The following BRAF variants were observed in gnomAD, a reference collection of about 807,000 sequenced individuals.
BRAF encodes B-Raf proto-oncogene, serine/threonine kinase.
In BRAF, 16 loss-of-function variants were observed where a neutral mutation model predicts 104.6. The ratio of observed to expected loss-of-function variants is 0.15; its 90% CI spans 0.10 to 0.23. The LOEUF is 0.23. BRAF is among the 10% of genes least tolerant of loss of function. The pLI, the probability that BRAF is intolerant of heterozygous loss-of-function variation, is 1.00. For missense variants in BRAF, 541 were observed against 937.3 expected (o/e 0.58, Z 5.52); for synonymous variants, 310 against 341.6 (o/e 0.91, Z 1.02).
In BRAF at chr7:140,794,667, T is replaced by G. The variant is rs71645956; in HGVS notation, c.981-200A>C. On this transcript the variant is annotated intron_variant, in intron 7 of 19. Coordinates refer to ENST00000644969, the MANE Select transcript of BRAF (RefSeq NM_001374258.1). The stretch of plus-strand genomic sequence containing the variant: ...AAAGCTGCTTTGCTCAAGTAGGCCC[T>G]CCAGGAACTATCAATGATAAGACCA... Among the ~76,000 whole-genome samples, 148 of 152,314 alleles carry G rather than the reference T, an allele frequency of 9.7e-4. No homozygotes were observed. In the South Asian group the frequency reaches 0.014, roughly 14 times the overall value.
At chr7:140,863,349 A>G (rs1810612558) in intron 1 of BRAF, among the ~76,000 whole-genome samples, 1 of 152,226 alleles carries the variant, frequency 6.6e-6, no homozygotes. Flanking sequence ...CTGTGGCTAT[A>G]TGGTAAGCAA....
chr7:140,913,556 C>G (rs1817253999), intron 1 of BRAF, among the ~76,000 whole-genome samples: 1 of 128,216 alleles, frequency 7.8e-6, no homozygotes, highest in South Asian at 2.6e-4. Context: ...GATCTTGGCT[C>G]ACTGCAACCT....
intron 1 of BRAF, among the ~76,000 whole-genome samples, chr7:140,851,594 AGG>A (rs1809163075): frequency 6.6e-6 from 1 of 152,198 alleles, no homozygotes; most frequent in African/African-American, 2.4e-5. Flanking sequence ...TTTGGTATCT[AGG>A]TATAGGATTC....
At chr7:140,915,062 A>C (rs1247338049) in intron 1 of BRAF, among the ~76,000 whole-genome samples, 3 of 151,184 alleles carry the variant, frequency 2.0e-5, no homozygotes, top group Admixed American at 1.3e-4. Context: ...AAAAAAAAAA[A>C]AAAAAAAACC....
intron 14 of BRAF, among the ~76,000 whole-genome samples, chr7:140,770,986 T>C (rs1353812100): frequency 1.3e-5 from 2 of 151,142 alleles, no homozygotes; most frequent in African/African-American, 4.9e-5. Flanking sequence ...TTACCAACCC[T>C]GATTCCTCAG....
intron 14 of BRAF, among the ~76,000 whole-genome samples, chr7:140,761,376 C>T (rs1798712618): frequency 6.6e-6 from 1 of 152,172 alleles, no homozygotes; most frequent in South Asian, 2.1e-4. Flanking sequence ...CCTAAAAGAA[C>T]TCCTGAAGGA....
chr7:140,845,854 A>AT (rs930912397), intron 2 of BRAF, among the ~76,000 whole-genome samples: 1 of 151,844 alleles, frequency 6.6e-6, no homozygotes, highest in Admixed American at 6.6e-5. Flanking sequence ...AAATTTTTGT[A>AT]TTTTTTAGTA....
intron 3 of BRAF, among the ~76,000 whole-genome samples, chr7:140,809,233 C>A (rs1803968254): frequency 6.6e-6 from 1 of 152,100 alleles, no homozygotes; most frequent in East Asian, 1.9e-4. Flanking sequence ...TTATGAAATA[C>A]TTTAAACATA....
At chr7:140,732,095 C>T (rs1226333168) in intron 19 of BRAF, 3 of 133,032 alleles carry the variant, frequency 2.3e-5, no homozygotes, top group Admixed American at 1.6e-4. Context: ...GGCGTGAACC[C>T]GGGAGGCGGA....
intron 14 of BRAF, among the ~76,000 whole-genome samples, chr7:140,764,843 A>G (rs1799142790): frequency 6.6e-6 from 1 of 152,220 alleles, no homozygotes; most frequent in Non-Finnish European, 1.5e-5. Flanking sequence ...TGGGTAGAAG[A>G]ATCAGTTATC....
intron 1 of BRAF, among the ~76,000 whole-genome samples, chr7:140,865,477 C>T (rs913522023): frequency 1.3e-5 from 2 of 152,172 alleles, no homozygotes; most frequent in African/African-American, 4.8e-5. Flanking sequence ...TAAAGCACTA[C>T]ATTCAATTGC....
In BRAF at chr7:140,896,882, A is replaced by AG. The variant is rs1554424384; in HGVS notation, c.138+27683dup. Among the ~76,000 whole-genome samples, 716 of 135,428 alleles carry AG rather than the reference A, an allele frequency of 5.3e-3. 13 individuals are homozygous for AG. The highest frequency in any genetic ancestry group is 0.018 in the African/African-American group (679 of 36,852). 88.8% of individuals were successfully genotyped at this position (135,428 alleles called of 152,430 possible). On this transcript the variant is annotated intron_variant, in intron 1 of 19. Transcript: ENST00000644969. ...CCATCTCAAAAAAAAAAAAAAAAAA[A>AG]GGGGTGGGGGGGGAAGAGACCTATA...
At chr7:140,776,042 GAGTTAA>G (rs1454293747) in intron 14 of BRAF, among the ~76,000 whole-genome samples, 5 of 152,180 alleles carry the variant, frequency 3.3e-5, no homozygotes, top group Non-Finnish European at 5.9e-5. Flanking sequence ...CAGAAATCCT[GAGTTAA>G]ACACCTTTGG....
intron 14 of BRAF, among the ~76,000 whole-genome samples, chr7:140,763,993 A>C (rs942995694): frequency 3.9e-5 from 6 of 152,196 alleles, no homozygotes; most frequent in Non-Finnish European, 7.3e-5. Context: ...AGACACAACC[A>C]AAAAAGAGAA....
chr7:140,786,808 A>G (rs1399392950), intron 9 of BRAF, among the ~76,000 whole-genome samples: 3 of 152,212 alleles, frequency 2.0e-5, no homozygotes, highest in Non-Finnish European at 4.4e-5. Context: ...TCAATCTTTA[A>G]GTATCAGTGG....
intron 15 of BRAF, 62 bp from the exon 15 acceptor site, chr7:140,753,455 G>C (rs2128998665): frequency 9.2e-7 from 1 of 1,085,804 alleles, no homozygotes; most frequent in Admixed American, 1.7e-5. Context: ...CAAGCATTAT[G>C]AAGAGTTTAG....
At chr7:140,713,716 GT>G in the BRAF span, among the ~76,000 whole-genome samples, 33 of 152,114 alleles carry the variant, frequency 2.2e-4, 1 homozygote, top group Non-Finnish European at 7.4e-5. Flanking sequence ...TTCCTGCTCT[GT>G]TTTTTCCCCA....
chr7:140,753,484 A>G (rs1441606079), intron 15 of BRAF, 91 bp from the exon 15 acceptor site: 6 of 823,546 alleles, frequency 7.3e-6, no homozygotes, highest in African/African-American at 3.4e-5. Flanking sequence ...TCTAATTTCT[A>G]TAATTCTGTA....
intron 3 of BRAF, 59 bp from the exon 4 acceptor site, chr7:140,809,054 T>G (rs1222542524): frequency 5.0e-6 from 7 of 1,395,052 alleles, no homozygotes; most frequent in Non-Finnish European, 7.1e-6. Context: ...TTTTTTCATA[T>G]CATTAAAAAA....
Sources: gnomAD v4.1 joint callset for allele counts (sites outside exome capture counted in the v4.1 genomes callset) on GRCh38, gnomAD v4.1.1 for gene constraint, MANE v1.5 for transcripts, NCBI Gene and HGNC (gene_info 2026-07-23, HGNC 2026-07-21) for gene names.